The following AGO3 variants were observed in gnomAD, a reference collection of about 807,000 sequenced individuals.
AGO3 encodes the protein protein argonaute-3.
A neutral mutation model predicts 105.5 loss-of-function variants in AGO3; 16 were observed. The observed-to-expected ratio is 0.15, with a 90% CI of 0.10 to 0.23. The LOEUF (loss-of-function observed/expected upper bound fraction) is 0.23. AGO3 is among the 10% of genes least tolerant of loss of function. The pLI, the probability that AGO3 is intolerant of heterozygous loss-of-function variation, is 1.00. For synonymous variants in AGO3, 340 were observed against 367.3 expected (o/e 0.93, Z 0.85); for missense variants, 534 against 1,088.0 (o/e 0.49, Z 7.16).
At chr1:36,017,154 A>C (rs1324265523) in intron 11 of AGO3, among the ~76,000 whole-genome samples, 1 of 152,142 alleles carries the variant, frequency 6.6e-6, no homozygotes, top group Non-Finnish European at 1.5e-5. Flanking sequence ...GCCATATGCA[A>C]ACACTTAAAA....
intron 2 of AGO3, among the ~76,000 whole-genome samples, chr1:35,955,618 G>A (rs1349607923): frequency 6.7e-6 from 1 of 149,886 alleles, no homozygotes; most frequent in African/African-American, 2.5e-5. Flanking sequence ...AATTGAGACA[G>A]GAGTCTCACT....
At chr1:36,010,973 AAAG>A (rs938201653) in intron 9 of AGO3, among the ~76,000 whole-genome samples, 19 of 152,118 alleles carry the variant, frequency 1.2e-4, no homozygotes, top group African/African-American at 3.9e-4. Context: ...GAGAGAAAGA[AAAG>A]AAAGAAAGGA....
chr1:35,948,142 C>T (rs1646402005), intron 2 of AGO3, among the ~76,000 whole-genome samples: 1 of 150,952 alleles, frequency 6.6e-6, no homozygotes, highest in Non-Finnish European at 1.5e-5. Flanking sequence ...GATGTCAATT[C>T]AAGTTTTTTT....
chr1:36,010,011 T>G (rs1009108635), intron 9 of AGO3, among the ~76,000 whole-genome samples: 1 of 138,938 alleles, frequency 7.2e-6, no homozygotes, highest in African/African-American at 2.7e-5. Context: ...CGATCTTGGC[T>G]CACTGCAAGC....
intron 2 of AGO3, among the ~76,000 whole-genome samples, 181 bp downstream of exon 2, chr1:35,946,044 T>A (rs1646357968): frequency 6.6e-6 from 1 of 152,178 alleles, no homozygotes; most frequent in South Asian, 2.1e-4. Context: ...ATCTTTGAAA[T>A]TATTTTGTTA....
chr1:35,987,934 GGC>G (rs1647273062), intron 5 of AGO3, among the ~76,000 whole-genome samples: 1 of 151,870 alleles, frequency 6.6e-6, no homozygotes, highest in Non-Finnish European at 1.5e-5. Flanking sequence ...TGGGCATGGT[GGC>G]GCACACCTGT....
At chr1:36,039,224 G>A (rs538497577) in intron 14 of AGO3, among the ~76,000 whole-genome samples, 10 of 152,118 alleles carry the variant, frequency 6.6e-5, no homozygotes, top group South Asian at 4.1e-4. Context: ...GGCTGGGTGC[G>A]GTGGCTCATG....
At chr1:36,035,213 A>T (rs1263065878) in intron 13 of AGO3, among the ~76,000 whole-genome samples, 5 of 152,168 alleles carry the variant, frequency 3.3e-5, no homozygotes, top group Non-Finnish European at 7.3e-5. Context: ...AACAAGCCCA[A>T]CATGGTGAAA....
chr1:35,982,506 G>A, intron 5 of AGO3: 2 of 609,594 alleles, frequency 3.3e-6, no homozygotes, highest in Non-Finnish European at 6.0e-6. Context: ...AGAATAGAAA[G>A]AAATAAAAGA....
chr1:36,040,966 G>A (rs1363330213), intron 16 of AGO3, among the ~76,000 whole-genome samples: 4 of 150,738 alleles, frequency 2.7e-5, no homozygotes, highest in African/African-American at 9.8e-5. Flanking sequence ...CCAGCTACTC[G>A]GGAGACTGAG....
chr1:36,016,999 C>T (rs1366475830), intron 11 of AGO3, among the ~76,000 whole-genome samples: 3 of 152,118 alleles, frequency 2.0e-5, no homozygotes, highest in Non-Finnish European at 4.4e-5. Flanking sequence ...GTGACCAAAA[C>T]TTAGGACCTT....
At chr1:35,950,247 C>A (rs1182800008) in intron 2 of AGO3, among the ~76,000 whole-genome samples, 1 of 151,976 alleles carries the variant, frequency 6.6e-6, no homozygotes, top group Non-Finnish European at 1.5e-5. Flanking sequence ...ATATTGTTGC[C>A]TTCTATAAAG....
chr1:35,972,856 A>T (rs1329202441), intron 4 of AGO3, among the ~76,000 whole-genome samples: 104 of 122,898 alleles, frequency 8.5e-4, no homozygotes, highest in East Asian at 5.6e-3. Context: ...TTAAAAAAAA[A>T]TTTTTTTTTT....
At chr1:35,940,966 C>T (rs1284142650) in intron 1 of AGO3, among the ~76,000 whole-genome samples, 1 of 152,142 alleles carries the variant, frequency 6.6e-6, no homozygotes, top group Non-Finnish European at 1.5e-5. Flanking sequence ...AATAACACTT[C>T]TATGCTGAGG....
At chr1:35,995,209 AATATAT>A (rs748081363) in intron 5 of AGO3, among the ~76,000 whole-genome samples, 6 of 114,790 alleles carry the variant, frequency 5.2e-5, no homozygotes, top group Non-Finnish European at 8.2e-5. Flanking sequence ...TAAAAAAAAA[AATATAT>A]ATATATATAT....
At chr1:35,986,763 A>G (rs1647198501) in intron 5 of AGO3, among the ~76,000 whole-genome samples, 1 of 152,198 alleles carries the variant, frequency 6.6e-6, no homozygotes, top group Non-Finnish European at 1.5e-5. Flanking sequence ...TGGGAGGCCA[A>G]GGTGGGTGGA....
chr1:36,044,504 A>T (rs1190664131), intron 17 of AGO3, among the ~76,000 whole-genome samples: 1 of 151,858 alleles, frequency 6.6e-6, no homozygotes, highest in Non-Finnish European at 1.5e-5. Context: ...GCTCACTGCA[A>T]GCTCCGCCTC....
chr1:36,022,752 T>G (rs1388554156), intron 11 of AGO3, among the ~76,000 whole-genome samples: 1 of 151,726 alleles, frequency 6.6e-6, no homozygotes, highest in African/African-American at 2.4e-5. Flanking sequence ...GCCAACATGG[T>G]GAAACCCCAT....
chr1:36,021,016 T>C (rs1301687352), intron 11 of AGO3, among the ~76,000 whole-genome samples: 1 of 152,078 alleles, frequency 6.6e-6, no homozygotes, highest in Admixed American at 6.6e-5. Flanking sequence ...CATTACAACC[T>C]CTGCCTCCCA....
Sources: gnomAD v4.1 joint callset for allele counts (sites outside exome capture counted in the v4.1 genomes callset) on GRCh38, gnomAD v4.1.1 for gene constraint, MANE v1.5 for transcripts, NCBI Gene and HGNC (gene_info 2026-07-23, HGNC 2026-07-21) for gene names.